Variants in MLLT10 observed in about 807,000 individuals in gnomAD.
The protein encoded by MLLT10 is MLLT10 histone lysine methyltransferase DOT1L cofactor.
In MLLT10, 30 loss-of-function variants were observed where a neutral mutation model predicts 129.1. The observed-to-expected ratio is 0.23, with a 90% CI of 0.17 to 0.32. MLLT10 has a LOEUF of 0.32. Among genes scored for constraint, MLLT10 ranks in the 10% least tolerant of loss-of-function variants. MLLT10 has a pLI of 1.00. For missense variants in MLLT10, 1,119 were observed against 1,268.3 expected, an observed-to-expected ratio of 0.88 and a Z score of 1.79; for synonymous variants, 490 against 446.4, an observed-to-expected ratio of 1.10 and a Z score of -1.23.
chr10:21,629,838 G>T (rs2046837134), intron 8 of MLLT10, among the ~76,000 whole-genome samples: 1 of 152,148 alleles, frequency 6.6e-6, no homozygotes, highest in Non-Finnish European at 1.5e-5. Flanking sequence ...GGGCTTGCGT[G>T]TATAGTCCCA....
At chr10:21,736,339 C>T (rs924475239) in intron 21 of MLLT10, among the ~76,000 whole-genome samples, 2 of 152,318 alleles carry the variant, frequency 1.3e-5, no homozygotes, top group Middle Eastern at 3.4e-3. Context: ...GGCTGGAGTG[C>T]AGTGGCACAA....
Position 21,674,688 on chromosome 10 carries a change from G to A in MLLT10, c.1621+769G>A, listed in dbSNP as rs542608554. Among the ~76,000 whole-genome samples, 6 of 152,188 alleles carry A rather than the reference G, an allele frequency of 3.9e-5. No homozygotes were observed. In the East Asian group the frequency reaches 1.2e-3, roughly 29 times the overall value. ...ACAGTTGATGTTAACTGAAATGTCA[G>A]CATTTATCTTTTAAATTTCATCTTG... On this transcript the variant is annotated intron_variant, in intron 11 of 22. Coordinates refer to ENST00000307729, the MANE Select transcript of MLLT10 (RefSeq NM_001195626.3).
At position 21,740,255 on chromosome 10, in the gene MLLT10, C is replaced by T. The variant is rs372590887; in HGVS notation, c.3162+19C>T. On this transcript the variant is annotated intron_variant, in intron 22 of 22. Coordinates refer to ENST00000307729, the MANE Select transcript of MLLT10 (RefSeq NM_001195626.3). ...AGTAGCAGTAAGTATATTTTCCTTA[C>T]TACATCTAATGAAACAAGAACTGTA... 1.4e-4 allele frequency: 218 copies of T among 1,607,816 alleles called. 1 individual carries two copies. The South Asian group carries it at 1.5e-3, about 11-fold the overall frequency.
intron 3 of MLLT10, among the ~76,000 whole-genome samples, chr10:21,553,950 G>A (rs904837697): frequency 2.0e-5 from 3 of 152,020 alleles, no homozygotes; most frequent in Non-Finnish European, 4.4e-5. Context: ...GCACCCAGCC[G>A]ATTCTGATTT....
chr10:21,678,991 A>G (rs2052471367), intron 11 of MLLT10, among the ~76,000 whole-genome samples: 1 of 152,200 alleles, frequency 6.6e-6, no homozygotes, highest in Admixed American at 6.5e-5. Flanking sequence ...TTTTAATAGT[A>G]ATCAAAATTC....
chr10:21,660,318 AC>A (rs1469003179), intron 9 of MLLT10, among the ~76,000 whole-genome samples: 27 of 145,710 alleles, frequency 1.9e-4, no homozygotes, highest in Middle Eastern at 6.8e-3. Context: ...TTCTTTTTCT[AC>A]TATTTTGAAG....
intron 3 of MLLT10, among the ~76,000 whole-genome samples, chr10:21,579,366 C>CT (rs1430191422): frequency 1.3e-5 from 2 of 152,006 alleles, no homozygotes; most frequent in African/African-American, 4.8e-5. Flanking sequence ...GTGAATGTGT[C>CT]TTTTTTCAAA....
chr10:21,600,384 C>T (rs1033337736), intron 5 of MLLT10, among the ~76,000 whole-genome samples: 4 of 151,848 alleles, frequency 2.6e-5, no homozygotes, highest in Admixed American at 2.0e-4. Context: ...CACACACACA[C>T]ACACACACAC....
At chr10:21,575,845 C>A (rs532866377) in intron 3 of MLLT10, among the ~76,000 whole-genome samples, 96 of 152,198 alleles carry the variant, frequency 6.3e-4, no homozygotes, top group African/African-American at 2.2e-3. Flanking sequence ...ATTATGACTT[C>A]TTCATTGTCT....
chr10:21,734,206 T>C, intron 20 of MLLT10, 77 bp downstream of exon 20: 2 of 1,490,356 alleles, frequency 1.3e-6, no homozygotes, highest in Non-Finnish European at 1.8e-6. Context: ...ATTGGGGCTT[T>C]CAATGTGTTC....
rs1564354618 is a variant in MLLT10 at position 21,534,716 on chromosome 10, C to T, written c.72C>T (p.Gly24=). The T allele has an allele frequency of 6.2e-7, 1 of 1,613,534 alleles. No homozygotes were observed. Among genetic ancestry groups the T allele is most frequent in the Non-Finnish European group, 8.5e-7 (1 of 1,179,606 alleles). ...VSHSMKEMIG[G]CCVCSDERGW... ...ATAGTATGAAGGAGATGATTGGAGG[C>T]TGTTGCGTTTGCTCAGACGAGAGAG... Residue 24 remains glycine (G), a synonymous_variant, in exon 2 of 23, where the codon GGC becomes GGT. Coordinates refer to ENST00000307729, the MANE Select transcript of MLLT10 (RefSeq NM_001195626.3).
chr10:21,650,480 G>A (rs2048914728), intron 8 of MLLT10, among the ~76,000 whole-genome samples: 2 of 152,036 alleles, frequency 1.3e-5, no homozygotes, highest in African/African-American at 4.8e-5. Context: ...CAGTATTTTG[G>A]GGGTATTAAA....
chr10:21,643,395 A>G (rs1011379434), intron 8 of MLLT10, among the ~76,000 whole-genome samples: 3 of 152,220 alleles, frequency 2.0e-5, no homozygotes, highest in Non-Finnish European at 4.4e-5. Flanking sequence ...TTATGTAAAC[A>G]TAATCCTCAT....
At position 21,658,351 on chromosome 10, in the gene MLLT10, T is replaced by C. The variant is rs545104818; in HGVS notation, c.795+6583T>C. Among the ~76,000 whole-genome samples, 9 of 152,330 alleles carry C rather than the reference T, an allele frequency of 5.9e-5. No homozygotes were observed. The South Asian group carries it at 1.9e-3, about 32-fold the overall frequency. On this transcript the variant is annotated intron_variant, in intron 9 of 22. Coordinates refer to ENST00000307729, the MANE Select transcript of MLLT10 (RefSeq NM_001195626.3). ...TTGAATTTTCTGTAATGTTAAAAAA[T>C]GGAAACATATAGTATGTATGCTTTT... is the stretch of plus-strand genomic sequence containing the variant.
intron 8 of MLLT10, among the ~76,000 whole-genome samples, chr10:21,640,729 G>A (rs191406720): frequency 6.6e-6 from 1 of 152,192 alleles, no homozygotes; most frequent in Non-Finnish European, 1.5e-5. Flanking sequence ...CAGAATAATG[G>A]GTTGCCATTG....
At chr10:21,667,667 A>G (rs1004797740) in intron 9 of MLLT10, among the ~76,000 whole-genome samples, 1 of 152,092 alleles carries the variant, frequency 6.6e-6, no homozygotes, top group Admixed American at 6.5e-5. Flanking sequence ...TAACCAGCAC[A>G]TTATGTTTTC....
intron 5 of MLLT10, among the ~76,000 whole-genome samples, chr10:21,606,743 T>C (rs1446672404): frequency 6.6e-6 from 1 of 152,244 alleles, no homozygotes; most frequent in African/African-American, 2.4e-5. Context: ...AAGTGCTTTC[T>C]TGAGATAGAA....
In MLLT10 at chr10:21,534,319, C is replaced by CCT. The variant is rs1554775006; in HGVS notation, c.-201_-200insTC. 7.6e-5 allele frequency: 30 copies of CCT among 395,514 alleles called. No homozygotes were observed. Among genetic ancestry groups the CCT allele is most frequent in the Non-Finnish European group, 1.2e-4 (27 of 222,934 alleles). 24.5% of individuals were successfully genotyped at this position (395,514 alleles called of 1,614,324 possible). ...GGCCCAGCGGGAGCCCCCCCTCCCC[C>CCT]CAGTGCGCCTGTGCGGAGGCCCTCT... On this transcript the variant is annotated 5_prime_UTR_variant, in exon 1 of 23. Coordinates refer to ENST00000307729, the MANE Select transcript of MLLT10 (RefSeq NM_001195626.3).
intron 9 of MLLT10, among the ~76,000 whole-genome samples, chr10:21,657,638 G>C (rs2049746102): frequency 6.6e-6 from 1 of 152,038 alleles, no homozygotes; most frequent in African/African-American, 2.4e-5. Context: ...ATTTTTAGTT[G>C]TTTGAATTTT....
Sources: gnomAD v4.1 joint callset for allele counts (sites outside exome capture counted in the v4.1 genomes callset) on GRCh38, gnomAD v4.1.1 for gene constraint, MANE v1.5 for transcripts, NCBI Gene and HGNC (gene_info 2026-07-23, HGNC 2026-07-21) for gene names.